TNRC6B: variants seen among roughly 807,000 people sequenced by gnomAD.
The protein encoded by TNRC6B is trinucleotide repeat-containing gene 6B protein.
Under a neutral mutation model 203.6 loss-of-function variants are expected in TNRC6B, and 52 were observed. The observed-to-expected ratio is 0.26, with a 90% CI of 0.20 to 0.32. The LOEUF is 0.32. Among genes scored for constraint, TNRC6B ranks in the 10% least tolerant of loss-of-function variants. The pLI, the probability that TNRC6B is intolerant of heterozygous loss-of-function variation, is 1.00. For synonymous variants in TNRC6B, 838 were observed against 845.7 expected (o/e 0.99, Z 0.16); for missense variants, 1,923 against 2,286.2 (o/e 0.84, Z 3.24).
chr22:40,130,250 TGAGCTCAG>T (rs1297466193), intron 3 of TNRC6B, among the ~76,000 whole-genome samples: 1 of 152,170 alleles, frequency 6.6e-6, no homozygotes, highest in Non-Finnish European at 1.5e-5. Flanking sequence ...CAGTAATGCC[TGAGCTCAG>T]GCCCAAATCC....
chr22:40,299,312 T>C (rs1268495423), intron 12 of TNRC6B, among the ~76,000 whole-genome samples: 1 of 150,722 alleles, frequency 6.6e-6, no homozygotes, highest in African/African-American at 2.4e-5. Flanking sequence ...CCATCTTGGC[T>C]CACCACAACC....
At chr22:40,313,263 C>T (rs943830608) in intron 19 of TNRC6B, among the ~76,000 whole-genome samples, 18 of 152,112 alleles carry the variant, frequency 1.2e-4, no homozygotes, top group Non-Finnish European at 2.1e-4. Context: ...GCTGGAGTCA[C>T]GTCCTAATGA....
At chr22:40,218,324 CTTTTTTTTTTTTT>C in intron 1 of TNRC6B, among the ~76,000 whole-genome samples, 1 of 97,484 alleles carries the variant, frequency 1.0e-5, no homozygotes, top group South Asian at 3.6e-4. Context: ...TTTTTCTTTT[CTTTTTTTTTTTTT>C]TTTTTTTGAG....
At chr22:40,190,156 C>G (rs2069253495) in intron 1 of TNRC6B, among the ~76,000 whole-genome samples, 1 of 152,110 alleles carries the variant, frequency 6.6e-6, no homozygotes, top group Non-Finnish European at 1.5e-5. Context: ...TCTGGGACTA[C>G]CTTCCTTCAT....
chr22:40,270,672 G>C (rs1008298907), intron 6 of TNRC6B, among the ~76,000 whole-genome samples: 12 of 152,206 alleles, frequency 7.9e-5, no homozygotes, highest in Admixed American at 3.3e-4. Flanking sequence ...TGACATTTTG[G>C]TGAGGGCTGT....
At chr22:40,054,378 T>C (rs2067775544) in intron 1 of TNRC6B, among the ~76,000 whole-genome samples, 1 of 152,240 alleles carries the variant, frequency 6.6e-6, no homozygotes, top group Admixed American at 6.5e-5. Context: ...CTGACCCTCT[T>C]CAAGTTCCGG....
rs373312793 is a variant in TNRC6B, at chr22:40,281,232, C to T, written c.3525C>T (p.Asn1175=). Residue 1175 remains asparagine (N), a synonymous_variant, in exon 11 of 23, where the codon AAC becomes AAT. Transcript: ENST00000454349. ...CTCCCTCTGGTTCCACACTACCCAACGTCAGCCTTGGAGCAATCGGCACAG... is the reference window on the plus strand; with the variant it reads ...CTCCCTCTGGTTCCACACTACCCAATGTCAGCCTTGGAGCAATCGGCACAG... ...KLSPSGSTLP[N]VSLGAIGTGL... 7 of 1,551,428 alleles carry T rather than the reference C, an allele frequency of 4.5e-6. No individual in the cohort carries two copies. The highest frequency in any genetic ancestry group is 1.4e-5 in the African/African-American group (1 of 73,044).
At chr22:40,165,967 T>G (rs903875891) in intron 4 of TNRC6B, among the ~76,000 whole-genome samples, 2 of 151,934 alleles carry the variant, frequency 1.3e-5, no homozygotes, top group Non-Finnish European at 2.9e-5. Context: ...TGGTTTTTTT[T>G]GTTGTTGTTT....
Position 40,325,937 on chromosome 22 carries a change from A to G in TNRC6B, c.*2696A>G, listed in dbSNP as rs899777471. On this transcript the variant is annotated 3_prime_UTR_variant, in exon 23 of 23. Transcript: ENST00000454349. ...CTAGAGCCCCTCTTGTTTACAAGAC[A>G]TAATGAGGGATTTGAAATATGTAAA... The G allele has an allele frequency of 6.6e-6, 1 of 152,638 alleles. No individual in the cohort carries two copies. The highest frequency in any genetic ancestry group is 6.6e-5 in the Admixed American group (1 of 15,266). The allele number at this position is 152,638 out of a possible 1,614,324, so 9.5% of individuals were successfully genotyped here.
At chr22:40,311,269 T>C (rs2071176651) in intron 17 of TNRC6B, among the ~76,000 whole-genome samples, 1 of 152,190 alleles carries the variant, frequency 6.6e-6, no homozygotes, top group African/African-American at 2.4e-5. Flanking sequence ...GAAGTGTCTG[T>C]TGAATTGATT....
chr22:40,085,164 GGAA>G (rs1443675042), intron 1 of TNRC6B, among the ~76,000 whole-genome samples: 2 of 152,114 alleles, frequency 1.3e-5, no homozygotes, highest in Admixed American at 1.3e-4. Context: ...ACTTTGTTTT[GGAA>G]GAAGATCTTC....
At chr22:40,094,144 C>T (rs1185164920) in intron 1 of TNRC6B, among the ~76,000 whole-genome samples, 1 of 152,008 alleles carries the variant, frequency 6.6e-6, no homozygotes, top group Non-Finnish European at 1.5e-5. Context: ...GTAGTACTTA[C>T]TTCATGGAAT....
intron 2 of TNRC6B, among the ~76,000 whole-genome samples, chr22:40,121,514 G>A (rs550851063): frequency 2.6e-5 from 4 of 152,166 alleles, no homozygotes; most frequent in East Asian, 3.8e-4. Flanking sequence ...AAGCTGTGCC[G>A]GCATAATTCA....
At chr22:40,293,891 G>A (rs913695532) in intron 12 of TNRC6B, among the ~76,000 whole-genome samples, 1 of 151,468 alleles carries the variant, frequency 6.6e-6, no homozygotes, top group African/African-American at 2.4e-5. Flanking sequence ...TTAACTTTGT[G>A]TGAGAGACTT....
At chr22:40,142,653 A>G (rs962111606) in intron 3 of TNRC6B, among the ~76,000 whole-genome samples, 29 of 152,326 alleles carry the variant, frequency 1.9e-4, no homozygotes, top group Admixed American at 6.5e-4. Flanking sequence ...GCTTCAAAGG[A>G]TATTAAAATA....
chr22:40,243,976 A>G (rs959327640), intron 1 of TNRC6B, among the ~76,000 whole-genome samples: 6 of 151,432 alleles, frequency 4.0e-5, no homozygotes, highest in South Asian at 2.1e-4. Context: ...TTTTTTGTAA[A>G]CACCAAATCT....
rs2071417739 is a variant in TNRC6B at position 40,327,389 on chromosome 22, A to C, written c.*4148A>C. 1 of 152,594 alleles carries C rather than the reference A, an allele frequency of 6.6e-6. No homozygotes were observed. The highest frequency in any genetic ancestry group is 6.5e-5 in the Admixed American group (1 of 15,288). The allele number at this position is 152,594 out of a possible 1,614,324, so 9.5% of individuals were successfully genotyped here. A position where few individuals can be genotyped will look rare whatever the true frequency, so the allele number is the denominator to read the frequency against. Reference sequence around the variant, plus strand: ...TATGCTTATGTCTCAGTAATGTAGAATGCCAAGTTCCTTCCTGTGTCGTGT... The same window carrying C: ...TATGCTTATGTCTCAGTAATGTAGACTGCCAAGTTCCTTCCTGTGTCGTGT... On this transcript the variant is annotated 3_prime_UTR_variant, in exon 23 of 23. Transcript: ENST00000454349.
Position 40,309,909 on chromosome 22 carries a change from A to G in TNRC6B, c.4259-908A>G, listed in dbSNP as rs182354495. On this transcript the variant is annotated intron_variant, in intron 16 of 22. Coordinates refer to ENST00000454349, the MANE Select transcript of TNRC6B (RefSeq NM_001162501.2). The stretch of plus-strand genomic sequence containing the variant: ...TGGAGGTAGTTTTGATAATATTCCC[A>G]TTAGGCTGCATCACCCTGGAAATAA... Among the ~76,000 whole-genome samples the G allele has an allele frequency of 2.0e-3, 299 of 152,272 alleles. 1 individual carries two copies. Among genetic ancestry groups the G allele is most frequent in the Non-Finnish European group, 3.2e-3 (221 of 68,020 alleles).
chr22:40,208,030 C>T (rs547970829), intron 1 of TNRC6B, among the ~76,000 whole-genome samples: 18 of 144,208 alleles, frequency 1.2e-4, no homozygotes, highest in African/African-American at 3.4e-4. Flanking sequence ...AGGAGAATGG[C>T]GGGAACCCGG....
Sources: gnomAD v4.1 joint callset for allele counts (sites outside exome capture counted in the v4.1 genomes callset) on GRCh38, gnomAD v4.1.1 for gene constraint, MANE v1.5 for transcripts, NCBI Gene and HGNC (gene_info 2026-07-23, HGNC 2026-07-21) for gene names.